The following SEC31A variants were observed in gnomAD, a reference collection of about 807,000 sequenced individuals.
SEC31A encodes SEC31 homolog A, COPII component.
SEC31A carries 70 observed loss-of-function variants against 151.0 expected under a neutral mutation model. The ratio of observed to expected loss-of-function variants is 0.46; its 90% CI spans 0.38 to 0.57. The LOEUF (loss-of-function observed/expected upper bound fraction) is 0.57, where lower values mean the gene tolerates loss of function less well. Ranked by LOEUF, SEC31A falls within the 20% of genes least tolerant of loss-of-function variation. The pLI is 0.00. For missense variants in SEC31A, 1,330 were observed against 1,471.2 expected, an observed-to-expected ratio of 0.90 and a Z score of 1.57; for synonymous variants, 475 against 505.9, an observed-to-expected ratio of 0.94 and a Z score of 0.82.
intron 20 of SEC31A, among the ~76,000 whole-genome samples, chr4:82,846,262 CA>C (rs995418868): frequency 2.6e-5 from 4 of 151,770 alleles, no homozygotes; most frequent in Non-Finnish European, 4.4e-5. Context: ...CTCAGCCTCC[CA>C]AAGTGCTGGG....
chr4:82,874,200 G>A (rs753245735), intron 6 of SEC31A, among the ~76,000 whole-genome samples: 59 of 151,878 alleles, frequency 3.9e-4, no homozygotes, highest in Non-Finnish European at 8.1e-4. Context: ...CGGAAGGCTG[G>A]GGCAGGAGAA....
At chr4:82,822,513 G>A (rs1215125796) in intron 25 of SEC31A, among the ~76,000 whole-genome samples, 1 of 152,186 alleles carries the variant, frequency 6.6e-6, no homozygotes, top group African/African-American at 2.4e-5. Flanking sequence ...TTGGAGAAGA[G>A]AGAGAAGAGA....
intron 20 of SEC31A, among the ~76,000 whole-genome samples, chr4:82,847,231 C>T (rs1206403723): frequency 4.6e-5 from 7 of 152,198 alleles, no homozygotes. Context: ...CAAAGCTGCG[C>T]TGGTCAAAGT....
chr4:82,852,281 T>C (rs1326638076), intron 18 of SEC31A, among the ~76,000 whole-genome samples: 4 of 152,198 alleles, frequency 2.6e-5, no homozygotes, highest in Admixed American at 2.6e-4. Flanking sequence ...CAGTCTTGGG[T>C]ATTTCTTCAT....
Position 82,853,707 on chromosome 4 carries a change from C to T in SEC31A, c.2017G>A (p.Gly673Arg), listed in dbSNP as rs1731930919. The T allele has an allele frequency of 6.2e-7, 1 of 1,601,976 alleles. No homozygotes were observed. The highest frequency in any genetic ancestry group is 1.8e-5 in the Admixed American group (1 of 56,196). ...DEFSALCDLL[G>R]TRLENEGDSL... ...TCTCCTTCATTTTCAAGCCTGGTTCCCAAAAGATCTGTAAGTAAGAGGAAA... is the reference window on the plus strand; with the variant it reads ...TCTCCTTCATTTTCAAGCCTGGTTCTCAAAAGATCTGTAAGTAAGAGGAAA... Residue 673 changes from glycine to arginine, a missense_variant, in exon 18 of 27, where the codon GGA (glycine) becomes AGA (arginine). Coordinates refer to ENST00000395310, the MANE Select transcript of SEC31A (RefSeq NM_001077207.4).
chr4:82,896,716 T>TG (rs1322866876), intron 3 of SEC31A, among the ~76,000 whole-genome samples: 2 of 152,126 alleles, frequency 1.3e-5, no homozygotes, highest in African/African-American at 2.4e-5. Flanking sequence ...TAATTTTCCT[T>TG]GGGGTGATAC....
At chr4:82,854,169 G>T (rs1464460417) in intron 17 of SEC31A, among the ~76,000 whole-genome samples, 1 of 152,146 alleles carries the variant, frequency 6.6e-6, no homozygotes, top group Non-Finnish European at 1.5e-5. Context: ...TTCAAGACCA[G>T]CCTGGCCAAC....
chr4:82,882,569 A>C (rs1739632592), intron 1 of SEC31A, among the ~76,000 whole-genome samples: 1 of 152,164 alleles, frequency 6.6e-6, no homozygotes, highest in Non-Finnish European at 1.5e-5. Context: ...TTTGCTACAC[A>C]TGTGTTTATC....
chr4:82,869,271 C>A (rs986568863), intron 8 of SEC31A, among the ~76,000 whole-genome samples: 4 of 151,748 alleles, frequency 2.6e-5, no homozygotes, highest in African/African-American at 9.7e-5. Context: ...AGGCGCCCGC[C>A]ACCACGTCCA....
At chr4:82,867,446 C>A in intron 8 of SEC31A, 130 bp from the exon 9 acceptor site, 1 of 752,410 alleles carries the variant, frequency 1.3e-6, no homozygotes, top group Non-Finnish European at 2.1e-6. Context: ...TATCTTTAGC[C>A]AGGAAAAAGA....
At chr4:82,879,081 T>C (rs1026316858) in intron 3 of SEC31A, among the ~76,000 whole-genome samples, 153 bp from the exon 4 acceptor site, 1 of 152,240 alleles carries the variant, frequency 6.6e-6, no homozygotes, top group African/African-American at 2.4e-5. Flanking sequence ...GACTTTGGTG[T>C]AATAGTATTT....
At chr4:82,854,593 A>G (rs6837835) in intron 17 of SEC31A, among the ~76,000 whole-genome samples, 100,269 of 151,584 alleles carry the variant, frequency 0.66, 35,891 homozygotes, top group Non-Finnish European at 0.79. Context: ...CTTATGGTCT[A>G]TTTCACAGAT....
chr4:82,827,696 A>T, intron 23 of SEC31A, 64 bp from the exon 24 acceptor site: 2 of 1,546,882 alleles, frequency 1.3e-6, no homozygotes, highest in South Asian at 2.4e-5. Context: ...ACATTTCTTC[A>T]GCTTAAAATA....
chr4:82,860,524 G>A (rs1433446622), intron 14 of SEC31A, among the ~76,000 whole-genome samples: 1 of 152,138 alleles, frequency 6.6e-6, no homozygotes, highest in Non-Finnish European at 1.5e-5. Context: ...CACCCAGGCT[G>A]GAATGCAATG....
At chr4:82,849,090 C>T in intron 19 of SEC31A, 113 bp from the exon 20 acceptor site, 2 of 973,878 alleles carry the variant, frequency 2.1e-6, no homozygotes, top group Admixed American at 4.6e-5. Context: ...GTTCATAATG[C>T]TGGGTATTAT....
At chr4:82,895,242 G>A (rs1405669216), upstream of SEC31A, 2 of 152,228 alleles carry the variant, frequency 1.3e-5, no homozygotes, top group Non-Finnish European at 2.9e-5. Flanking sequence ...AGCACTTTGG[G>A]AGGCTGAGGT....
chr4:82,898,925 A>G (rs544148490), intron 3 of SEC31A, among the ~76,000 whole-genome samples: 2 of 152,066 alleles, frequency 1.3e-5, no homozygotes, highest in Non-Finnish European at 2.9e-5. Flanking sequence ...TTGTACACAA[A>G]TGTTCATAAT....
chr4:82,822,708 T>G (rs748683472), intron 25 of SEC31A, among the ~76,000 whole-genome samples: 1 of 152,162 alleles, frequency 6.6e-6, no homozygotes, highest in Non-Finnish European at 1.5e-5. Flanking sequence ...GTGCGGTGGC[T>G]CATGCCTGTA....
chr4:82,850,232 G>A (rs1246539172), intron 19 of SEC31A, among the ~76,000 whole-genome samples: 1 of 151,864 alleles, frequency 6.6e-6, no homozygotes, highest in Admixed American at 6.6e-5. Flanking sequence ...TTAAGATAAA[G>A]GTTCTTATAA....
Sources: allele counts gnomAD v4.1 joint callset (sites outside exome capture counted in the v4.1 genomes callset), GRCh38; gene constraint gnomAD v4.1.1; transcripts MANE v1.5; gene names NCBI Gene and HGNC (gene_info 2026-07-23, HGNC 2026-07-21).